Variants in MGAT4D observed in about 807,000 individuals in gnomAD.
The protein encoded by MGAT4D is alpha-1,3-mannosyl-glycoprotein 4-beta-N-acetylglucosaminyltransferase-like protein MGAT4D.
A neutral mutation model predicts 15.9 loss-of-function variants in MGAT4D; 34 were observed. The observed-to-expected ratio is 2.14, with a 90% CI of 1.62 to 2.84. The LOEUF is 2.84. Among genes scored for constraint, MGAT4D ranks in the 30% most tolerant of loss-of-function variants. The pLI, the probability that MGAT4D is intolerant of heterozygous loss-of-function variation, is 0.00. For missense variants in MGAT4D, 327 were observed against 140.2 expected (o/e 2.33, Z -6.73); for synonymous variants, 112 against 48.2 (o/e 2.33, Z -5.49).
At chr4:140,473,670 C>A (rs940917022) in intron 4 of MGAT4D, among the ~76,000 whole-genome samples, 1 of 152,072 alleles carries the variant, frequency 6.6e-6, no homozygotes, top group Non-Finnish European at 1.5e-5. Flanking sequence ...TACTATACTG[C>A]CATATTTTTA....
intron 3 of MGAT4D, among the ~76,000 whole-genome samples, chr4:140,475,548 A>G (rs917882552): frequency 1.2e-4 from 18 of 151,828 alleles, no homozygotes; most frequent in Non-Finnish European, 2.4e-4. Context: ...TAGGCAAGAT[A>G]CACAACATCT....
At chr4:140,468,301 G>A (rs1385087261) in intron 5 of MGAT4D, among the ~76,000 whole-genome samples, 1 of 151,834 alleles carries the variant, frequency 6.6e-6, no homozygotes, top group Admixed American at 6.6e-5. Flanking sequence ...ACTACAATAC[G>A]GCAATTTCTA....
chr4:140,473,321 T>TA (rs1222835149), intron 4 of MGAT4D, among the ~76,000 whole-genome samples: 1 of 152,196 alleles, frequency 6.6e-6, no homozygotes, highest in Non-Finnish European at 1.5e-5. Flanking sequence ...ATTGTGGAGA[T>TA]ATATAGCAAG....
intron 9 of MGAT4D, among the ~76,000 whole-genome samples, chr4:140,452,726 C>A (rs1730549600): frequency 6.6e-6 from 1 of 152,122 alleles, no homozygotes; most frequent in Non-Finnish European, 1.5e-5. Context: ...ATCCTCTTAA[C>A]AGTACCTTTT....
intron 10 of MGAT4D, among the ~76,000 whole-genome samples, chr4:140,444,713 CCTT>C (rs1729973956): frequency 1.3e-5 from 2 of 152,170 alleles, no homozygotes; most frequent in African/African-American, 4.8e-5. Flanking sequence ...GATTTGTATT[CCTT>C]TGGGTATATA....
At chr4:140,478,274 C>T (rs12512891) in intron 3 of MGAT4D, among the ~76,000 whole-genome samples, 9,267 of 152,238 alleles carry the variant, frequency 0.061, 354 homozygotes, top group South Asian at 0.11. Context: ...ACCCAAACAC[C>T]ACCATGTCTC....
intron 2 of MGAT4D, among the ~76,000 whole-genome samples, chr4:140,480,710 G>C (rs1012888618): frequency 6.7e-6 from 1 of 149,884 alleles, no homozygotes; most frequent in African/African-American, 2.5e-5. Flanking sequence ...GAGCAATATA[G>C]CAAGACCCTC....
intron 5 of MGAT4D, among the ~76,000 whole-genome samples, chr4:140,469,684 C>T (rs1731786086): frequency 6.6e-6 from 1 of 152,120 alleles, no homozygotes; most frequent in Non-Finnish European, 1.5e-5. Flanking sequence ...AGATGGCTTC[C>T]TTTTTTTGCT....
intron 2 of MGAT4D, among the ~76,000 whole-genome samples, chr4:140,480,071 C>G (rs938183762): frequency 6.6e-6 from 1 of 152,022 alleles, no homozygotes; most frequent in Admixed American, 6.6e-5. Context: ...TGTTAGAGGA[C>G]GCACATTGCC....
chr4:140,460,869 G>A (rs988207361), intron 7 of MGAT4D, among the ~76,000 whole-genome samples: 4 of 152,128 alleles, frequency 2.6e-5, no homozygotes, highest in African/African-American at 9.7e-5. Flanking sequence ...CAAACATTCA[G>A]ACCATAGCTA....
At chr4:140,451,998 A>C (rs373029057) in intron 9 of MGAT4D, among the ~76,000 whole-genome samples, 14,510 of 134,676 alleles carry the variant, frequency 0.11, 726 homozygotes, top group East Asian at 0.22. Flanking sequence ...TTTTCTCAAA[A>C]AAAAAAAAAA....
In MGAT4D at chr4:140,446,743, GTTTTTTTTTTTTTTTTTTTTTTTT is replaced by G. The variant is rs149442061; in HGVS notation, c.1117-3323_1117-3300del. Among the ~76,000 whole-genome samples the G allele has an allele frequency of 2.7e-3, 22 of 8,172 alleles. 1 individual carries two copies. The highest frequency in any genetic ancestry group is 3.4e-3 in the East Asian group (1 of 292). The allele number at this position is 8,172 out of a possible 152,430, so 5.4% of individuals were successfully genotyped here. ...GAGCTGGTTTGCTTTTGCTTCTCTAGTTTTTTTTTTTTTTTTTTTTTTTTTTTTTTTTTTTTTTTTAGCTGTGAT... is the reference window on the plus strand; with the variant it reads ...GAGCTGGTTTGCTTTTGCTTCTCTAGTTTTTTTTTTTTTTTTAGCTGTGAT... On this transcript the variant is annotated intron_variant, in intron 10 of 10. Coordinates refer to ENST00000511113, the MANE Select transcript of MGAT4D (RefSeq NM_001277353.2).
At chr4:140,476,219 T>C (rs1021654300) in intron 3 of MGAT4D, among the ~76,000 whole-genome samples, 1 of 152,236 alleles carries the variant, frequency 6.6e-6, no homozygotes, top group African/African-American at 2.4e-5. Context: ...TGATACTCTT[T>C]ATATATTCTG....
chr4:140,484,217 T>TA (rs1249350177), intron 1 of MGAT4D, among the ~76,000 whole-genome samples: 2 of 151,860 alleles, frequency 1.3e-5, no homozygotes, highest in African/African-American at 4.8e-5. Flanking sequence ...CAAAAAAAAG[T>TA]AAAAAATTGG....
At chr4:140,462,785 GAATT>G (rs1310967521) in intron 6 of MGAT4D, 1 of 152,146 alleles carries the variant, frequency 6.6e-6, no homozygotes, top group African/African-American at 2.4e-5. Context: ...TAACTGAAAA[GAATT>G]AAGGAGAGAA....
At chr4:140,470,874 CCTTT>C (rs948443436) in intron 5 of MGAT4D, among the ~76,000 whole-genome samples, 6 of 150,512 alleles carry the variant, frequency 4.0e-5, no homozygotes, top group African/African-American at 4.9e-5. Context: ...CCTCTTCCTT[CCTTT>C]ATTTTATAAT....
intron 5 of MGAT4D, among the ~76,000 whole-genome samples, chr4:140,470,510 G>T (rs1198872540): frequency 6.6e-6 from 1 of 152,234 alleles, no homozygotes; most frequent in East Asian, 1.9e-4. Flanking sequence ...CTACAGCACA[G>T]AGTGCATATT....
rs554645506 is a variant in MGAT4D, at chr4:140,463,669, A to G, written c.686+1227T>C. 5.9e-5 allele frequency among the ~76,000 whole-genome samples: 9 copies of G among 152,320 alleles called. 1 individual carries two copies. In the East Asian group the frequency reaches 9.6e-4, roughly 16 times the overall value. On this transcript the variant is annotated intron_variant, in intron 6 of 10. Transcript: ENST00000511113. Reference sequence around the variant, plus strand: ...AAAATAATAAAATTATAACAATTAGATAAGTGCTACGTGAAGATATCAACA... The same window carrying G: ...AAAATAATAAAATTATAACAATTAGGTAAGTGCTACGTGAAGATATCAACA...
chr4:140,468,369 T>C (rs1731687020), intron 5 of MGAT4D, among the ~76,000 whole-genome samples: 2 of 152,176 alleles, frequency 1.3e-5, no homozygotes, highest in Admixed American at 6.5e-5. Context: ...TCTCATACAT[T>C]AGGTAATGTT....
Sources: allele counts gnomAD v4.1 joint callset (sites outside exome capture counted in the v4.1 genomes callset), GRCh38; gene constraint gnomAD v4.1.1; transcripts MANE v1.5; gene names NCBI Gene and HGNC (gene_info 2026-07-23, HGNC 2026-07-21).